SAMD5: variants seen among roughly 807,000 people sequenced by gnomAD.
SAMD5 encodes the protein sterile alpha motif domain containing 5, also known as sterile alpha motif domain-containing protein 5.
SAMD5 carries 13 observed loss-of-function variants against 11.3 expected under a neutral mutation model. The observed-to-expected ratio is 1.15, with a 90% CI of 0.75 to 1.83. The LOEUF is 1.83. SAMD5 is among the 40% of genes most tolerant of loss of function. The pLI is 0.00. For missense variants in SAMD5, 255 were observed against 239.1 expected (o/e 1.07, Z -0.44); for synonymous variants, 129 against 111.3 (o/e 1.16, Z -1.00).
the SAMD5 span, among the ~76,000 whole-genome samples, chr6:147,936,518 G>A: frequency 1.8e-4 from 28 of 152,184 alleles, no homozygotes; most frequent in East Asian, 4.7e-3. Flanking sequence ...CATGAGGACA[G>A]CACCAAGGGG....
the SAMD5 span, among the ~76,000 whole-genome samples, chr6:147,837,094 G>A: frequency 6.6e-6 from 1 of 152,188 alleles, no homozygotes; most frequent in Non-Finnish European, 1.5e-5. Context: ...TCACATTTGA[G>A]TTAGCAAGAG....
Position 147,569,699 on chromosome 6 carries a change from C to T in SAMD5, c.*5243C>T, listed in dbSNP as rs1009313954. On this transcript the variant is annotated 3_prime_UTR_variant, in exon 2 of 2. Transcript: ENST00000367474. The stretch of plus-strand genomic sequence containing the variant: ...CTTGTCAATGTTTAGAGATACTATT[C>T]GGGTTGCTAAAGCCATTATTCATAG... 18 of 984,958 alleles carry T rather than the reference C, an allele frequency of 1.8e-5. No homozygotes were observed. Among genetic ancestry groups the T allele is most frequent in the South Asian group, 9.4e-5 (2 of 21,288 alleles). The allele number at this position is 984,958 out of a possible 1,614,324, so 61.0% of individuals were successfully genotyped here.
At chr6:147,749,503 A>G in the SAMD5 span, among the ~76,000 whole-genome samples, 2 of 152,182 alleles carry the variant, frequency 1.3e-5, no homozygotes, top group Non-Finnish European at 2.9e-5. Flanking sequence ...AAACCATCCT[A>G]TAAATGTGTG....
chr6:147,554,163 T>G (rs1192330017), intron 1 of SAMD5, among the ~76,000 whole-genome samples: 1 of 152,116 alleles, frequency 6.6e-6, no homozygotes. Context: ...GAAAAGCCCC[T>G]TATGAAACCT....
At chr6:147,845,212 AT>A in the SAMD5 span, among the ~76,000 whole-genome samples, 5,184 of 152,230 alleles carry the variant, frequency 0.034, 298 homozygotes, top group African/African-American at 0.12. Context: ...CTAAAAAAAA[AT>A]TGAACCTTGC....
At position 147,531,792 on chromosome 6, in the gene SAMD5, T is replaced by C. The variant is rs565997238; in HGVS notation, c.459+22405T>C. On this transcript the variant is annotated intron_variant, in intron 1 of 1. Transcript: ENST00000367474. ...GTAAATTGTGTGCTACATAGCCTTA[T>C]ATTTTCGGTCTAGAAAAAATTAATT... 5.3e-5 allele frequency among the ~76,000 whole-genome samples: 8 copies of C among 152,360 alleles called. No individual in the cohort carries two copies. The South Asian group carries it at 1.7e-3, about 32-fold the overall frequency.
chr6:147,923,560 G>A, the SAMD5 span, among the ~76,000 whole-genome samples: 2 of 152,158 alleles, frequency 1.3e-5, no homozygotes, highest in Admixed American at 1.3e-4. Flanking sequence ...TGGTCTTAAA[G>A]CAGTAAATTA....
intron 1 of SAMD5, among the ~76,000 whole-genome samples, chr6:147,627,664 A>T (rs1227798543): frequency 6.6e-6 from 1 of 152,076 alleles, no homozygotes; most frequent in Non-Finnish European, 1.5e-5. Flanking sequence ...TTACATAATC[A>T]TCCTTCCTTT....
intron 1 of SAMD5, among the ~76,000 whole-genome samples, chr6:147,669,004 T>A (rs932352633): frequency 6.6e-6 from 1 of 152,056 alleles, no homozygotes; most frequent in Non-Finnish European, 1.5e-5. Flanking sequence ...TGGAGGAGGG[T>A]CTTGCCCGAT....
chr6:147,749,072 A>G, the SAMD5 span, among the ~76,000 whole-genome samples: 1 of 152,156 alleles, frequency 6.6e-6, no homozygotes, highest in Non-Finnish European at 1.5e-5. Flanking sequence ...ACTTGCTGAC[A>G]TCTTGAGATG....
intron 1 of SAMD5, among the ~76,000 whole-genome samples, chr6:147,585,290 C>A (rs78435179): frequency 3.3e-5 from 5 of 152,182 alleles, no homozygotes; most frequent in African/African-American, 4.8e-5. Context: ...ACTCCAAATG[C>A]CACTGTAACT....
At chr6:147,926,612 C>T in the SAMD5 span, among the ~76,000 whole-genome samples, 1 of 151,924 alleles carries the variant, frequency 6.6e-6, no homozygotes, top group South Asian at 2.1e-4. Flanking sequence ...TATGTTCTCC[C>T]CTTCTTTGGA....
At chr6:147,835,987 A>T in the SAMD5 span, among the ~76,000 whole-genome samples, 1 of 152,192 alleles carries the variant, frequency 6.6e-6, no homozygotes, top group Non-Finnish European at 1.5e-5. Flanking sequence ...CACATTAGGC[A>T]TTTCACCTCT....
chr6:147,890,982 A>T, the SAMD5 span, among the ~76,000 whole-genome samples: 2 of 152,238 alleles, frequency 1.3e-5, no homozygotes, highest in African/African-American at 4.8e-5. Flanking sequence ...GCTACTAAAA[A>T]AATGTGGTAG....
At chr6:147,579,793 A>G (rs1375282809) in intron 1 of SAMD5, among the ~76,000 whole-genome samples, 2 of 152,150 alleles carry the variant, frequency 1.3e-5, no homozygotes, top group Non-Finnish European at 2.9e-5. Context: ...CTTGGAGGGC[A>G]TATTTTATTT....
In SAMD5 at chr6:147,565,810, G is replaced by C. The variant is rs550906775; in HGVS notation, c.*1354G>C. ...CTTAGAAAACGCAACCATGTTGATG[G>C]GACCAAAAACTTAGTTGAAAGAAGC... On this transcript the variant is annotated 3_prime_UTR_variant, in exon 2 of 2. Coordinates refer to ENST00000367474, the MANE Select transcript of SAMD5 (RefSeq NM_001030060.3). 2.0e-6 allele frequency: 2 copies of C among 985,328 alleles called. No homozygotes were observed. Among genetic ancestry groups the C allele is most frequent in the South Asian group, 9.4e-5 (2 of 21,288 alleles). 61.0% of individuals were successfully genotyped at this position (985,328 alleles called of 1,614,324 possible).
intron 1 of SAMD5, among the ~76,000 whole-genome samples, chr6:147,697,450 T>A (rs74674435): frequency 1.6e-3 from 239 of 152,330 alleles, no homozygotes; most frequent in African/African-American, 5.4e-3. Flanking sequence ...TGTAGGCTAG[T>A]AACACATAAC....
chr6:147,553,865 C>A (rs905961187), intron 1 of SAMD5, among the ~76,000 whole-genome samples: 1 of 151,804 alleles, frequency 6.6e-6, no homozygotes, highest in Non-Finnish European at 1.5e-5. Context: ...TGAAAGTGTT[C>A]TTTTTCAGCC....
the SAMD5 span, among the ~76,000 whole-genome samples, chr6:147,947,816 T>C: frequency 1.3e-5 from 2 of 152,224 alleles, no homozygotes; most frequent in Admixed American, 6.5e-5. Flanking sequence ...TTTTTTCTTT[T>C]ACTTCTTTCT....
Sources: allele counts gnomAD v4.1 joint callset (sites outside exome capture counted in the v4.1 genomes callset), GRCh38; gene constraint gnomAD v4.1.1; transcripts MANE v1.5; gene names NCBI Gene and HGNC (gene_info 2026-07-23, HGNC 2026-07-21).